The following KLHDC10 variants were observed in gnomAD, a reference collection of about 807,000 sequenced individuals.
KLHDC10 encodes kelch domain-containing protein 10.
A neutral mutation model predicts 56.1 loss-of-function variants in KLHDC10; 24 were observed. That is an observed-to-expected ratio of 0.43 (90% CI 0.31 to 0.60). The LOEUF (loss-of-function observed/expected upper bound fraction) is 0.60. Among genes scored for constraint, KLHDC10 ranks in the 20% least tolerant of loss-of-function variants. The pLI, the probability that KLHDC10 is intolerant of heterozygous loss-of-function variation, is 0.11. For synonymous variants in KLHDC10, 188 were observed against 207.1 expected (o/e 0.91, Z 0.79); for missense variants, 349 against 567.0 (o/e 0.62, Z 3.91).
In KLHDC10 at chr7:130,133,870, C is replaced by T. The variant is rs1340262412; in HGVS notation, c.*3124C>T. Reference sequence around the variant, plus strand: ...ACATCCTGGAAAAACTATAAACTGACACAGAATAGGTTGAAATCTTAACTG... The same window carrying T: ...ACATCCTGGAAAAACTATAAACTGATACAGAATAGGTTGAAATCTTAACTG... On this transcript the variant is annotated 3_prime_UTR_variant, in exon 10 of 10. Coordinates refer to ENST00000335420, the MANE Select transcript of KLHDC10 (RefSeq NM_014997.4). 6.6e-6 allele frequency: 1 copy of T among 152,156 alleles called. No homozygotes were observed. The highest frequency in any genetic ancestry group is 1.5e-5 in the Non-Finnish European group (1 of 68,016). The allele number at this position is 152,156 out of a possible 1,614,324, so 9.4% of individuals were successfully genotyped here. A position where few individuals can be genotyped will look rare whatever the true frequency, so the allele number is the denominator to read the frequency against.
chr7:130,110,337 C>CT (rs1412341424), intron 2 of KLHDC10, among the ~76,000 whole-genome samples: 1 of 152,130 alleles, frequency 6.6e-6, no homozygotes, highest in Non-Finnish European at 1.5e-5. Context: ...AGAAAAATAA[C>CT]TAGAAGTTTT....
intron 1 of KLHDC10, among the ~76,000 whole-genome samples, chr7:130,082,541 G>A (rs967225596): frequency 2.0e-5 from 3 of 152,092 alleles, no homozygotes; most frequent in African/African-American, 4.8e-5. Flanking sequence ...GCTTGCTTAT[G>A]TTTTCTGTTA....
chr7:130,128,987 C>G (rs375523613), intron 8 of KLHDC10, among the ~76,000 whole-genome samples: 4 of 145,618 alleles, frequency 2.7e-5, no homozygotes, highest in Non-Finnish European at 6.0e-5. Flanking sequence ...TTCCAACTTG[C>G]CTTGAAAAAA....
At chr7:130,104,689 A>C (rs1795984746) in intron 2 of KLHDC10, among the ~76,000 whole-genome samples, 1 of 152,162 alleles carries the variant, frequency 6.6e-6, no homozygotes, top group African/African-American at 2.4e-5. Context: ...GAAAGCTTTT[A>C]CTCATGGCAA....
Position 130,120,440 on chromosome 7 carries a change from CA to C in KLHDC10, c.476-305del, listed in dbSNP as rs1796233539. On this transcript the variant is annotated intron_variant, in intron 3 of 9. Transcript: ENST00000335420. The surrounding 1 kb of genome is among the most constrained non-coding windows in gnomAD (Gnocchi z 5.1). The stretch of plus-strand genomic sequence containing the variant: ...TTGGGACCAGAAGTGTTTCACATTT[CA>C]AAATTTTTTTTTGAATATTTGCATT... Among the ~76,000 whole-genome samples the C allele has an allele frequency of 6.7e-6, 1 of 148,958 alleles. No individual in the cohort carries two copies. Among genetic ancestry groups the C allele is most frequent in the Non-Finnish European group, 1.5e-5 (1 of 67,276 alleles).
rs192401373 is a variant in KLHDC10, at chr7:130,119,942, A to G, written c.476-807A>G. 4.6e-5 allele frequency among the ~76,000 whole-genome samples: 7 copies of G among 152,124 alleles called. No homozygotes were observed. In the East Asian group the frequency reaches 9.6e-4, roughly 21 times the overall value. ...ATGAGTGAAGAGAATACGTGTGTAC[A>G]GTGTGCATGTGTATGTTTGTGTGTG... is the stretch of plus-strand genomic sequence containing the variant. On this transcript the variant is annotated intron_variant, in intron 3 of 9. Coordinates refer to ENST00000335420, the MANE Select transcript of KLHDC10 (RefSeq NM_014997.4).
At position 130,132,722 on chromosome 7, in the gene KLHDC10, T is replaced by A. The variant is rs748891372; in HGVS notation, c.*1976T>A. On this transcript the variant is annotated 3_prime_UTR_variant, in exon 10 of 10. Coordinates refer to ENST00000335420, the MANE Select transcript of KLHDC10 (RefSeq NM_014997.4). ...GAGCAAGTCAGTCTGAGCAGCTCCA[T>A]TAGTCCAAAACAGAGCTTTGCTGCA... 6.6e-6 allele frequency: 1 copy of A among 152,280 alleles called. No individual in the cohort carries two copies. The highest frequency in any genetic ancestry group is 1.5e-5 in the Non-Finnish European group (1 of 68,092). 9.4% of individuals were successfully genotyped at this position (152,280 alleles called of 1,614,324 possible).
chr7:130,102,207 C>T (rs559530233), intron 2 of KLHDC10, among the ~76,000 whole-genome samples: 1 of 152,160 alleles, frequency 6.6e-6, no homozygotes, highest in Non-Finnish European at 1.5e-5. Flanking sequence ...GGAAGCCTGT[C>T]TGTCAGTGTG....
intron 2 of KLHDC10, among the ~76,000 whole-genome samples, chr7:130,101,692 C>T (rs996452974): frequency 2.0e-5 from 3 of 151,890 alleles, no homozygotes; most frequent in Admixed American, 6.6e-5. Context: ...GGAAGAAGGC[C>T]GGGTGCGGCG....
Position 130,116,799 on chromosome 7 carries a change from T to C in KLHDC10, c.475+133T>C. On this transcript the variant is annotated intron_variant, in intron 3 of 9. Coordinates refer to ENST00000335420, the MANE Select transcript of KLHDC10 (RefSeq NM_014997.4). The surrounding 1 kb of genome is among the most constrained non-coding windows in gnomAD (Gnocchi z 4.8). ...CCCTGTGGGTGGATAGGCTTTTTAC[T>C]AGGGTAATAACAGTATGGTGATTCC... is the stretch of plus-strand genomic sequence containing the variant. 2 of 719,494 alleles carry C rather than the reference T, an allele frequency of 2.8e-6. No individual in the cohort carries two copies. Among genetic ancestry groups the C allele is most frequent in the East Asian group, 5.3e-5 (2 of 37,548 alleles). 44.6% of individuals were successfully genotyped at this position (719,494 alleles called of 1,614,324 possible).
intron 2 of KLHDC10, among the ~76,000 whole-genome samples, chr7:130,105,769 G>T (rs984351202): frequency 2.0e-5 from 3 of 152,162 alleles, no homozygotes; most frequent in African/African-American, 7.2e-5. Flanking sequence ...ATGGTTATAT[G>T]TTCCTATTTT....
At chr7:130,094,178 G>C (rs1340591391) in intron 1 of KLHDC10, among the ~76,000 whole-genome samples, 1 of 151,988 alleles carries the variant, frequency 6.6e-6, no homozygotes, top group East Asian at 1.9e-4. Flanking sequence ...TGCCCGCCTT[G>C]GCCTCGTAAA....
At chr7:130,128,889 A>AAAAAAAATATATATATAT in intron 8 of KLHDC10, among the ~76,000 whole-genome samples, 2 of 66,950 alleles carry the variant, frequency 3.0e-5, no homozygotes, top group African/African-American at 7.3e-5. Flanking sequence ...AAAAAAAAAA[A>AAAAAAAATATATATATAT]ATATATATAT....
At chr7:130,123,965 T>C (rs1796282835) in intron 5 of KLHDC10, among the ~76,000 whole-genome samples, 1 of 152,212 alleles carries the variant, frequency 6.6e-6, no homozygotes, top group Non-Finnish European at 1.5e-5. Context: ...AAACTCATAG[T>C]CTAAGGTCTC....
At position 130,132,893 on chromosome 7, in the gene KLHDC10, T is replaced by C. The variant is rs948150322; in HGVS notation, c.*2147T>C. 6.6e-6 allele frequency: 1 copy of C among 152,232 alleles called. No individual in the cohort carries two copies. Among genetic ancestry groups the C allele is most frequent in the African/African-American group, 2.4e-5 (1 of 41,446 alleles). 9.4% of individuals were successfully genotyped at this position (152,232 alleles called of 1,614,324 possible). On this transcript the variant is annotated 3_prime_UTR_variant, in exon 10 of 10. Transcript: ENST00000335420. ...CTCAGCCTCTGTGCTTAGACTTTCA[T>C]GGTCCTTAGGATAGAAGTGAGTCTC...
chr7:130,074,051 A>C (rs1248879771), intron 1 of KLHDC10, among the ~76,000 whole-genome samples: 1 of 152,160 alleles, frequency 6.6e-6, no homozygotes, highest in Non-Finnish European at 1.5e-5. Flanking sequence ...GATAAGGCAA[A>C]AATCTTTAAC....
In KLHDC10 at chr7:130,130,055, G is replaced by T. The variant is rs1273794749; in HGVS notation, c.1119+479G>T. Among the ~76,000 whole-genome samples, 1 of 152,004 alleles carries T rather than the reference G, an allele frequency of 6.6e-6. No individual in the cohort carries two copies. Reference sequence around the variant, plus strand: ...ATATAGGCCGGGCGCGGTGGCTCAGGCCTGTAATCCCAGCACTTTGGGAGG... The same window carrying T: ...ATATAGGCCGGGCGCGGTGGCTCAGTCCTGTAATCCCAGCACTTTGGGAGG... On this transcript the variant is annotated intron_variant, in intron 9 of 9. Transcript: ENST00000335420. This position sits in a 1 kb window ranked among gnomAD's most constrained non-coding sequence, Gnocchi z 4.2.
chr7:130,111,719 T>G (rs1796104216), intron 2 of KLHDC10, among the ~76,000 whole-genome samples: 1 of 151,444 alleles, frequency 6.6e-6, no homozygotes, highest in African/African-American at 2.4e-5. Context: ...AGACCCTGTC[T>G]CAAAGGAAAA....
At chr7:130,088,963 G>A (rs1015195992) in intron 1 of KLHDC10, among the ~76,000 whole-genome samples, 1 of 151,902 alleles carries the variant, frequency 6.6e-6, no homozygotes, top group South Asian at 2.1e-4. Flanking sequence ...AAGTTTTACT[G>A]GAGATAAAAA....
Sources: gnomAD v4.1 joint callset for allele counts (sites outside exome capture counted in the v4.1 genomes callset) on GRCh38, gnomAD v4.1.1 for gene constraint, Gnocchi (gnomAD v3.1) non-coding constraint, MANE v1.5 for transcripts, NCBI Gene and HGNC (gene_info 2026-07-23, HGNC 2026-07-21) for gene names.